TMEM132C: variants seen among roughly 807,000 people sequenced by gnomAD.
TMEM132C encodes transmembrane protein 132C.
In TMEM132C, 29 loss-of-function variants were observed where a neutral mutation model predicts 61.4. The observed-to-expected ratio is 0.47, with a 90% CI of 0.35 to 0.64. The LOEUF (loss-of-function observed/expected upper bound fraction) is 0.64, where lower values mean the gene tolerates loss of function less well. TMEM132C is among the 30% of genes least tolerant of loss of function. TMEM132C has a pLI of 0.00. For synonymous variants in TMEM132C, 656 were observed against 633.1 expected (o/e 1.04, Z -0.54); for missense variants, 1,408 against 1,476.9 (o/e 0.95, Z 0.76).
rs1593126864 is a variant in TMEM132C, at chr12:128,630,909, G to T, written c.1305+14574G>T. On this transcript the variant is annotated intron_variant, in intron 4 of 8. Coordinates refer to ENST00000435159, the MANE Select transcript of TMEM132C (RefSeq NM_001136103.3). The surrounding 1 kb of genome is among the most constrained non-coding windows in gnomAD (Gnocchi z 4.3). ...TAGTCGGGCATGGTGGTATGTGCCT[G>T]TATTCCCAGCTACTCAGGAGGCTGA... Among the ~76,000 whole-genome samples, 1 of 152,216 alleles carries T rather than the reference G, an allele frequency of 6.6e-6. No individual in the cohort carries two copies. The highest frequency in any genetic ancestry group is 6.5e-5 in the Admixed American group (1 of 15,274).
At chr12:128,403,369 C>T (rs1209878486) in intron 1 of TMEM132C, among the ~76,000 whole-genome samples, 1 of 152,100 alleles carries the variant, frequency 6.6e-6, no homozygotes, top group East Asian at 1.9e-4. Context: ...ATGAGTAAAC[C>T]AGAGATGTCT....
Position 128,570,204 on chromosome 12 carries a change from C to T in TMEM132C, c.1121+26101C>T, listed in dbSNP as rs1874829615. Among the ~76,000 whole-genome samples the T allele has an allele frequency of 6.6e-6, 1 of 152,056 alleles. No individual in the cohort carries two copies. Among genetic ancestry groups the T allele is most frequent in the African/African-American group, 2.4e-5 (1 of 41,404 alleles). ...CAAGGGCTGAAAAATATCTACACCT[C>T]CCCACCCCCGCACCCCCCACACACT... On this transcript the variant is annotated intron_variant, in intron 3 of 8. Transcript: ENST00000435159. The surrounding 1 kb of genome is among the most constrained non-coding windows in gnomAD (Gnocchi z 4.7).
intron 3 of TMEM132C, among the ~76,000 whole-genome samples, chr12:128,581,096 G>T (rs1030072717): frequency 6.6e-6 from 1 of 152,170 alleles, no homozygotes; most frequent in Non-Finnish European, 1.5e-5. Context: ...AGCTAGAGCT[G>T]CAGGAAGATC....
At chr12:128,441,052 A>T (rs1869766251) in intron 2 of TMEM132C, among the ~76,000 whole-genome samples, 1 of 152,230 alleles carries the variant, frequency 6.6e-6, no homozygotes, top group African/African-American at 2.4e-5. Flanking sequence ...AAAACAAAAA[A>T]CAAACAAGCA....
chr12:128,392,697 T>C (rs1260481470), intron 1 of TMEM132C, among the ~76,000 whole-genome samples: 1 of 151,856 alleles, frequency 6.6e-6, no homozygotes, highest in Non-Finnish European at 1.5e-5. Flanking sequence ...GGGTATCCAA[T>C]CTTTTGGCTT....
intron 4 of TMEM132C, among the ~76,000 whole-genome samples, chr12:128,667,959 T>C (rs1481615023): frequency 6.6e-6 from 1 of 152,212 alleles, no homozygotes. Context: ...CACTTTGCTT[T>C]GCTTTAGTCT....
intron 2 of TMEM132C, among the ~76,000 whole-genome samples, chr12:128,523,045 T>C (rs1458184): frequency 0.94 from 143,823 of 152,236 alleles, 68,407 homozygotes; most frequent in East Asian, 1. Context: ...CGGAATGGGG[T>C]ATAGATATAC....
intron 1 of TMEM132C, among the ~76,000 whole-genome samples, chr12:128,354,118 G>A (rs188822049): frequency 3.7e-4 from 57 of 152,208 alleles, no homozygotes; most frequent in Non-Finnish European, 7.4e-4. Flanking sequence ...TGCAAACTGC[G>A]CAGTTAGATT....
chr12:128,607,744 T>G (rs1316343050), intron 3 of TMEM132C, among the ~76,000 whole-genome samples: 1 of 152,232 alleles, frequency 6.6e-6, no homozygotes, highest in African/African-American at 2.4e-5. Flanking sequence ...GCATCACCTG[T>G]GTGCCCGACT....
At chr12:128,290,975 G>C (rs779989646) in intron 1 of TMEM132C, among the ~76,000 whole-genome samples, 3 of 151,928 alleles carry the variant, frequency 2.0e-5, no homozygotes, top group Non-Finnish European at 4.4e-5. Context: ...GTTGAGAATT[G>C]CTGGTCCAAA....
chr12:128,314,514 C>A (rs1202082543), intron 1 of TMEM132C, among the ~76,000 whole-genome samples: 1 of 152,284 alleles, frequency 6.6e-6, no homozygotes, highest in East Asian at 1.9e-4. Flanking sequence ...AAATTCACAT[C>A]CACCCAGAAC....
At chr12:128,560,307 A>G (rs1229059205) in intron 3 of TMEM132C, among the ~76,000 whole-genome samples, 5 of 152,100 alleles carry the variant, frequency 3.3e-5, no homozygotes, top group African/African-American at 1.2e-4. Context: ...TAAATCCCCA[A>G]GCTTGGTTGT....
chr12:128,521,118 T>C (rs1462966623), intron 2 of TMEM132C, among the ~76,000 whole-genome samples: 1 of 152,070 alleles, frequency 6.6e-6, no homozygotes, highest in Non-Finnish European at 1.5e-5. Flanking sequence ...TCTCCAGACA[T>C]TGCCAGATAT....
rs1874824116 is a variant in TMEM132C, at chr12:128,570,047, G to A, written c.1121+25944G>A. Among the ~76,000 whole-genome samples the A allele has an allele frequency of 6.6e-6, 1 of 152,130 alleles. No individual in the cohort carries two copies. Among genetic ancestry groups the A allele is most frequent in the Non-Finnish European group, 1.5e-5 (1 of 68,034 alleles). ...AACGTGAGAAGTGAAAGGAGAGATG[G>A]AGAATAAACACTGTCCATATTAGGA... On this transcript the variant is annotated intron_variant, in intron 3 of 8. Transcript: ENST00000435159. The surrounding 1 kb of genome is among the most constrained non-coding windows in gnomAD (Gnocchi z 4.7).
chr12:128,625,240 A>G (rs1365796400), intron 4 of TMEM132C, among the ~76,000 whole-genome samples: 10 of 152,232 alleles, frequency 6.6e-5, no homozygotes, highest in Admixed American at 6.5e-4. Context: ...AGCATGGTTT[A>G]TAAATAGTGG....
At chr12:128,316,462 G>A (rs1872157073) in intron 1 of TMEM132C, among the ~76,000 whole-genome samples, 1 of 152,208 alleles carries the variant, frequency 6.6e-6, no homozygotes, top group South Asian at 2.1e-4. Flanking sequence ...GGAAGGGATG[G>A]GAGTTCAGCA....
intron 3 of TMEM132C, among the ~76,000 whole-genome samples, chr12:128,602,646 A>AC (rs1425368433): frequency 6.6e-6 from 1 of 152,092 alleles, no homozygotes. Context: ...TCACTGCTCC[A>AC]CCCATTCTTC....
chr12:128,360,358 A>C (rs1489599097), intron 1 of TMEM132C, among the ~76,000 whole-genome samples: 1 of 152,136 alleles, frequency 6.6e-6, no homozygotes, highest in Non-Finnish European at 1.5e-5. Context: ...AATTTAGATG[A>C]TGATAGAAAT....
At chr12:128,374,247 C>G (rs1170698713) in intron 1 of TMEM132C, among the ~76,000 whole-genome samples, 1 of 152,096 alleles carries the variant, frequency 6.6e-6, no homozygotes, top group Non-Finnish European at 1.5e-5. Context: ...AAACTAGGAC[C>G]CTCCATGGTG....
Sources: gnomAD v4.1 joint callset for allele counts (sites outside exome capture counted in the v4.1 genomes callset) on GRCh38, gnomAD v4.1.1 for gene constraint, Gnocchi (gnomAD v3.1) non-coding constraint, MANE v1.5 for transcripts, NCBI Gene and HGNC (gene_info 2026-07-23, HGNC 2026-07-21) for gene names.